ANKRD45: variants seen among roughly 807,000 people sequenced by gnomAD.
ANKRD45 encodes the protein ankyrin repeat domain-containing protein 45.
Under a neutral mutation model 28.1 loss-of-function variants are expected in ANKRD45, and 21 were observed. That is an observed-to-expected ratio of 0.75 (90% CI 0.53 to 1.08). The LOEUF is 1.08. ANKRD45 is among the 50% of genes least tolerant of loss of function. The pLI is 0.00. For synonymous variants in ANKRD45, 86 were observed against 103.9 expected, an observed-to-expected ratio of 0.83 and a Z score of 1.05; for missense variants, 261 against 308.7, an observed-to-expected ratio of 0.85 and a Z score of 1.16.
At chr1:173,678,995 T>C in the ANKRD45 span, among the ~76,000 whole-genome samples, 15 of 152,222 alleles carry the variant, frequency 9.9e-5, no homozygotes, top group East Asian at 1.7e-3. Flanking sequence ...TTACAACAGG[T>C]GTGAAGGACC....
chr1:173,656,445 A>C (rs1453363764), intron 2 of ANKRD45, among the ~76,000 whole-genome samples: 3 of 152,210 alleles, frequency 2.0e-5, no homozygotes, highest in African/African-American at 4.8e-5. Context: ...AAGTCTATGT[A>C]CCTATGAATA....
the ANKRD45 span, among the ~76,000 whole-genome samples, chr1:173,713,150 C>G: frequency 6.6e-6 from 1 of 152,160 alleles, no homozygotes; most frequent in Non-Finnish European, 1.5e-5. Flanking sequence ...ATCACATATA[C>G]ACATGCAGTA....
At chr1:173,655,270 TG>T (rs1669448990) in intron 2 of ANKRD45, among the ~76,000 whole-genome samples, 1 of 152,294 alleles carries the variant, frequency 6.6e-6, no homozygotes, top group Middle Eastern at 3.4e-3. Flanking sequence ...GACCTACAGA[TG>T]GGGTTTTGCT....
At chr1:173,691,507 G>A in the ANKRD45 span, among the ~76,000 whole-genome samples, 3 of 152,194 alleles carry the variant, frequency 2.0e-5, no homozygotes, top group Non-Finnish European at 2.9e-5. Context: ...GTAGAAAGAT[G>A]TGCCCTGGTG....
chr1:173,708,223 CT>C, the ANKRD45 span, among the ~76,000 whole-genome samples: 1 of 152,144 alleles, frequency 6.6e-6, no homozygotes, highest in East Asian at 1.9e-4. Flanking sequence ...TATGGTTTGA[CT>C]TATGGATGGT....
At chr1:173,711,782 T>G in the ANKRD45 span, among the ~76,000 whole-genome samples, 7 of 152,338 alleles carry the variant, frequency 4.6e-5, no homozygotes, top group East Asian at 1.3e-3. Context: ...CATCTCTAAA[T>G]GGAGTTCTCT....
intron 5 of ANKRD45, among the ~76,000 whole-genome samples, chr1:173,612,274 A>G (rs990056011): frequency 7.2e-6 from 1 of 138,252 alleles, no homozygotes; most frequent in Non-Finnish European, 1.5e-5. Flanking sequence ...AAAGAGAGAG[A>G]GGGAGGAAGG....
chr1:173,645,226 C>A (rs1194742725), intron 3 of ANKRD45, among the ~76,000 whole-genome samples: 1 of 152,098 alleles, frequency 6.6e-6, no homozygotes, highest in East Asian at 1.9e-4. Context: ...AATGTGTTTC[C>A]TTCAAGTTCC....
chr1:173,681,746 T>C, the ANKRD45 span, among the ~76,000 whole-genome samples: 1 of 151,982 alleles, frequency 6.6e-6, no homozygotes, highest in Non-Finnish European at 1.5e-5. Flanking sequence ...GGTATGCTAA[T>C]GGAAGATTAA....
chr1:173,688,333 CCTCTTT>C, the ANKRD45 span, among the ~76,000 whole-genome samples: 9 of 142,780 alleles, frequency 6.3e-5, no homozygotes, highest in South Asian at 2.2e-4. Flanking sequence ...TCTCTGACTC[CCTCTTT>C]CTCTCTCTGA....
At chr1:173,613,145 G>A (rs1269507912) in intron 5 of ANKRD45, among the ~76,000 whole-genome samples, 1 of 151,810 alleles carries the variant, frequency 6.6e-6, no homozygotes, top group African/African-American at 2.4e-5. Context: ...TAGGAAGTGA[G>A]GAGCGTCTCT....
At chr1:173,703,026 G>C in the ANKRD45 span, among the ~76,000 whole-genome samples, 1 of 151,718 alleles carries the variant, frequency 6.6e-6, no homozygotes, top group African/African-American at 2.4e-5. Flanking sequence ...ATGCCCCTCT[G>C]TGTCCATTCT....
chr1:173,690,020 C>CT, the ANKRD45 span, among the ~76,000 whole-genome samples: 1 of 137,458 alleles, frequency 7.3e-6, no homozygotes, highest in Non-Finnish European at 1.5e-5. Context: ...GTTTAAGCTC[C>CT]TTTTTAAAAT....
At chr1:173,703,121 C>T in the ANKRD45 span, among the ~76,000 whole-genome samples, 3 of 152,056 alleles carry the variant, frequency 2.0e-5, no homozygotes, top group Admixed American at 1.3e-4. Flanking sequence ...CTGCAACCTC[C>T]ACCTCCTGGG....
At chr1:173,642,445 G>A (rs1348176965) in intron 3 of ANKRD45, among the ~76,000 whole-genome samples, 2 of 152,160 alleles carry the variant, frequency 1.3e-5, no homozygotes, top group Non-Finnish European at 2.9e-5. Context: ...AAATAAAAGA[G>A]GGGGGAATTG....
chr1:173,662,564 C>G (rs1201774280), intron 1 of ANKRD45, among the ~76,000 whole-genome samples: 1 of 152,162 alleles, frequency 6.6e-6, no homozygotes, highest in Non-Finnish European at 1.5e-5. Context: ...CTCTTTCTAT[C>G]ACTCCATCAT....
chr1:173,686,684 C>A, the ANKRD45 span, among the ~76,000 whole-genome samples: 1 of 152,164 alleles, frequency 6.6e-6, no homozygotes, highest in Non-Finnish European at 1.5e-5. Flanking sequence ...CAGCAGTGGA[C>A]TTTATAGTCC....
At chr1:173,659,506 G>A in intron 1 of ANKRD45, 73 bp from the exon 2 acceptor site, 2 of 1,302,198 alleles carry the variant, frequency 1.5e-6, no homozygotes, top group Non-Finnish European at 2.1e-6. Context: ...TATTTGCTCA[G>A]TCAACTGACA....
chr1:173,682,676 C>G, the ANKRD45 span, among the ~76,000 whole-genome samples: 1 of 134,746 alleles, frequency 7.4e-6, no homozygotes, highest in Non-Finnish European at 1.6e-5. Flanking sequence ...CCACGAAGGC[C>G]TTTTAAATAC....
Sources: gnomAD v4.1 joint callset for allele counts (sites outside exome capture counted in the v4.1 genomes callset) on GRCh38, gnomAD v4.1.1 for gene constraint, MANE v1.5 for transcripts, NCBI Gene and HGNC (gene_info 2026-07-23, HGNC 2026-07-21) for gene names.